The following UVRAG variants were observed in gnomAD, a reference collection of about 807,000 sequenced individuals.
UVRAG encodes the protein UV radiation resistance-associated gene protein.
UVRAG carries 19 observed loss-of-function variants against 78.0 expected under a neutral mutation model. That is an observed-to-expected ratio of 0.24 (90% CI 0.17 to 0.36). The LOEUF (loss-of-function observed/expected upper bound fraction) is 0.36, where lower values mean the gene tolerates loss of function less well. Among genes scored for constraint, UVRAG ranks in the 10% least tolerant of loss-of-function variants. UVRAG has a pLI of 1.00. For missense variants in UVRAG, 740 were observed against 853.8 expected, an observed-to-expected ratio of 0.87 and a Z score of 1.66; for synonymous variants, 323 against 324.6, an observed-to-expected ratio of 1.00 and a Z score of 0.05.
At chr11:75,827,765 A>G (rs1227412710) in intron 1 of UVRAG, among the ~76,000 whole-genome samples, 1 of 152,224 alleles carries the variant, frequency 6.6e-6, no homozygotes, top group Non-Finnish European at 1.5e-5. Context: ...CAGCCTACTT[A>G]CATCTTTCAG....
intron 3 of UVRAG, among the ~76,000 whole-genome samples, chr11:75,877,995 C>A (rs1232548738): frequency 6.7e-6 from 1 of 149,090 alleles, no homozygotes; most frequent in African/African-American, 2.5e-5. Context: ...GGGCGGCTGC[C>A]GGGCGGAGAC....
At chr11:75,946,597 G>A (rs1310646680) in intron 6 of UVRAG, among the ~76,000 whole-genome samples, 1 of 152,206 alleles carries the variant, frequency 6.6e-6, no homozygotes, top group African/African-American at 2.4e-5. Flanking sequence ...CTTTTCTGGA[G>A]CTCAGGGTCC....
At chr11:76,040,085 T>C (rs1041800355) in intron 12 of UVRAG, among the ~76,000 whole-genome samples, 1 of 152,208 alleles carries the variant, frequency 6.6e-6, no homozygotes, top group African/African-American at 2.4e-5. Flanking sequence ...GAATTTGAAA[T>C]AATTCATTGC....
intron 5 of UVRAG, among the ~76,000 whole-genome samples, chr11:75,904,777 C>T (rs1947580742): frequency 6.7e-6 from 1 of 148,150 alleles, no homozygotes; most frequent in African/African-American, 2.6e-5. Context: ...TAACATTTAA[C>T]ATATTAACAG....
intron 7 of UVRAG, among the ~76,000 whole-genome samples, chr11:75,981,747 C>G (rs1190966743): frequency 6.6e-6 from 1 of 151,884 alleles, no homozygotes; most frequent in African/African-American, 2.4e-5. Context: ...TTTTTCAAGG[C>G]TATTTTCTCT....
At chr11:76,030,715 C>G (rs555357767) in intron 12 of UVRAG, among the ~76,000 whole-genome samples, 3 of 152,312 alleles carry the variant, frequency 2.0e-5, no homozygotes, top group African/African-American at 7.2e-5. Flanking sequence ...CTAGCCATCT[C>G]TAGCATCAAA....
chr11:76,139,937 A>G (rs2134516482), intron 14 of UVRAG, among the ~76,000 whole-genome samples: 1 of 151,954 alleles, frequency 6.6e-6, no homozygotes, highest in African/African-American at 2.4e-5. Flanking sequence ...ATTGTAAAAC[A>G]TATGTGTGGC....
chr11:76,003,759 A>G (rs1033341403), intron 8 of UVRAG, among the ~76,000 whole-genome samples: 3 of 152,182 alleles, frequency 2.0e-5, no homozygotes, highest in African/African-American at 7.2e-5. Context: ...TAATTGAGAA[A>G]TATCTATAGG....
chr11:75,904,448 C>G (rs1947574041), intron 5 of UVRAG, among the ~76,000 whole-genome samples: 1 of 152,162 alleles, frequency 6.6e-6, no homozygotes, highest in Non-Finnish European at 1.5e-5. Context: ...CTGTTGGGAT[C>G]GAACATCTGG....
intron 13 of UVRAG, among the ~76,000 whole-genome samples, chr11:76,099,296 G>T (rs1951838285): frequency 6.6e-6 from 1 of 152,140 alleles, no homozygotes; most frequent in Non-Finnish European, 1.5e-5. Flanking sequence ...GTCTTGTGTA[G>T]GGATCATAGG....
intron 8 of UVRAG, among the ~76,000 whole-genome samples, chr11:76,003,065 C>A (rs1337377153): frequency 6.6e-6 from 1 of 151,336 alleles, no homozygotes; most frequent in African/African-American, 2.4e-5. Context: ...GTGACAGAAA[C>A]CCTGTCTAAA....
intron 13 of UVRAG, among the ~76,000 whole-genome samples, chr11:76,096,303 G>A (rs952968286): frequency 2.6e-5 from 4 of 152,064 alleles, no homozygotes; most frequent in Non-Finnish European, 5.9e-5. Flanking sequence ...TTATTGATAA[G>A]CCTGAAAAAA....
chr11:75,901,159 G>C (rs953600921), intron 5 of UVRAG, among the ~76,000 whole-genome samples: 1 of 152,194 alleles, frequency 6.6e-6, no homozygotes, highest in Admixed American at 6.5e-5. Flanking sequence ...AGGAACACAG[G>C]CTGTCTACTG....
chr11:76,008,417 G>A (rs545074016), intron 10 of UVRAG, among the ~76,000 whole-genome samples: 1 of 152,244 alleles, frequency 6.6e-6, no homozygotes, highest in East Asian at 1.9e-4. Flanking sequence ...AACTAAATCT[G>A]CTAAATTTGA....
intron 6 of UVRAG, among the ~76,000 whole-genome samples, chr11:75,920,715 A>G (rs1947962560): frequency 6.6e-6 from 1 of 152,178 alleles, no homozygotes; most frequent in Non-Finnish European, 1.5e-5. Flanking sequence ...TAGTCTCTCT[A>G]TATGTCATAG....
intron 13 of UVRAG, among the ~76,000 whole-genome samples, chr11:76,088,561 C>T (rs1172451234): frequency 7.0e-6 from 1 of 143,702 alleles, no homozygotes. Flanking sequence ...TATCTGTCTT[C>T]TCTCTCACGT....
intron 6 of UVRAG, among the ~76,000 whole-genome samples, chr11:75,956,009 G>A (rs1254040011): frequency 6.6e-6 from 1 of 152,096 alleles, no homozygotes; most frequent in Non-Finnish European, 1.5e-5. Flanking sequence ...ACCTGTTCTT[G>A]AACTTTGTAA....
chr11:76,072,394 A>T (rs1951329635), intron 13 of UVRAG, among the ~76,000 whole-genome samples: 1 of 152,022 alleles, frequency 6.6e-6, no homozygotes, highest in African/African-American at 2.4e-5. Context: ...GTTTTGTGGG[A>T]ATGTAGAATG....
chr11:76,116,453 C>T (rs778537802), intron 14 of UVRAG, among the ~76,000 whole-genome samples: 3 of 152,134 alleles, frequency 2.0e-5, no homozygotes, highest in Non-Finnish European at 4.4e-5. Context: ...GGGGTCAGGA[C>T]TTAGTTTGAG....
Sources: allele counts gnomAD v4.1 joint callset (sites outside exome capture counted in the v4.1 genomes callset), GRCh38; gene constraint gnomAD v4.1.1; transcripts MANE v1.5; gene names NCBI Gene and HGNC (gene_info 2026-07-23, HGNC 2026-07-21).